Variants in ANKS1B observed in about 807,000 individuals in gnomAD.
ANKS1B encodes the protein ankyrin repeat and sterile alpha motif domain containing 1B, also known as ankyrin repeat and sterile alpha motif domain-containing protein 1B.
Under a neutral mutation model 148.3 loss-of-function variants are expected in ANKS1B, and 36 were observed. That is an observed-to-expected ratio of 0.24 (90% CI 0.19 to 0.32). The LOEUF is 0.32. Among genes scored for constraint, ANKS1B ranks in the 10% least tolerant of loss-of-function variants. ANKS1B has a pLI of 1.00. For missense variants in ANKS1B, 1,157 were observed against 1,542.6 expected (o/e 0.75, Z 4.19); for synonymous variants, 542 against 560.8 (o/e 0.97, Z 0.47).
chr12:99,296,965 C>A (rs886404019), intron 12 of ANKS1B, among the ~76,000 whole-genome samples: 5 of 152,086 alleles, frequency 3.3e-5, no homozygotes, highest in African/African-American at 1.2e-4. Flanking sequence ...TTGCGTTGGG[C>A]TAGATTATGG....
At chr12:99,669,093 A>G (rs1030926751) in intron 8 of ANKS1B, among the ~76,000 whole-genome samples, 2 of 152,128 alleles carry the variant, frequency 1.3e-5, no homozygotes, top group Non-Finnish European at 2.9e-5. Context: ...TACAAATTCT[A>G]TCAAATCTGT....
chr12:99,920,052 G>C (rs562985044), intron 1 of ANKS1B, among the ~76,000 whole-genome samples: 58 of 152,084 alleles, frequency 3.8e-4, no homozygotes, highest in Non-Finnish European at 7.1e-4. Context: ...CTGATGTAGA[G>C]TCCTCATTCT....
At chr12:99,187,312 C>G (rs2079999695) in intron 14 of ANKS1B, among the ~76,000 whole-genome samples, 1 of 152,036 alleles carries the variant, frequency 6.6e-6, no homozygotes. Flanking sequence ...GACAGGCCAA[C>G]ATTCAAATTC....
chr12:98,900,546 T>C (rs1470515620), intron 17 of ANKS1B, among the ~76,000 whole-genome samples: 1 of 152,162 alleles, frequency 6.6e-6, no homozygotes, highest in Non-Finnish European at 1.5e-5. Context: ...GTCTCAGATA[T>C]AAATAGGATT....
At chr12:99,614,964 A>C (rs773452508) in intron 9 of ANKS1B, among the ~76,000 whole-genome samples, 6 of 150,882 alleles carry the variant, frequency 4.0e-5, no homozygotes, top group Non-Finnish European at 7.4e-5. Flanking sequence ...AATCTCAAGG[A>C]TCTCCAATGA....
chr12:98,805,430 T>C (rs1170401879), intron 20 of ANKS1B, among the ~76,000 whole-genome samples: 2 of 152,140 alleles, frequency 1.3e-5, no homozygotes, highest in Non-Finnish European at 2.9e-5. Flanking sequence ...TACTTTGACA[T>C]TAGAATTTTA....
At chr12:99,471,494 ATTAC>A (rs1236084174) in intron 10 of ANKS1B, among the ~76,000 whole-genome samples, 1 of 152,040 alleles carries the variant, frequency 6.6e-6, no homozygotes, top group African/African-American at 2.4e-5. Flanking sequence ...TCCTTTTGTA[ATTAC>A]TTATGCTCAA....
At position 99,784,355 on chromosome 12, in the gene ANKS1B, G is replaced by A. The variant is rs543387202; in HGVS notation, c.670-2258C>T. ...CCCAGCTAATTTTTTTGTATTTTTAGTAGAGATGGGGTTTCATCATGTTAG... is the reference window on the plus strand; with the variant it reads ...CCCAGCTAATTTTTTTGTATTTTTAATAGAGATGGGGTTTCATCATGTTAG... On this transcript the variant is annotated intron_variant, in intron 4 of 26. Transcript: ENST00000683438. Among the ~76,000 whole-genome samples the A allele has an allele frequency of 2.6e-3, 390 of 152,022 alleles. 2 individuals carry two copies. The highest frequency in any genetic ancestry group is 0.017 in the Middle Eastern group (5 of 294).
At chr12:99,925,030 T>C (rs556254008) in intron 1 of ANKS1B, among the ~76,000 whole-genome samples, 3 of 152,168 alleles carry the variant, frequency 2.0e-5, no homozygotes, top group Non-Finnish European at 4.4e-5. Context: ...TTCATAGTTG[T>C]ATCCCCAGCA....
At chr12:99,266,601 A>C (rs2076469791) in intron 12 of ANKS1B, among the ~76,000 whole-genome samples, 1 of 152,178 alleles carries the variant, frequency 6.6e-6, no homozygotes, top group Non-Finnish European at 1.5e-5. Context: ...GCATGGGCAG[A>C]GTAAAGAGTA....
intron 12 of ANKS1B, among the ~76,000 whole-genome samples, chr12:99,294,991 G>A (rs766790139): frequency 3.9e-5 from 6 of 152,202 alleles, no homozygotes; most frequent in Non-Finnish European, 5.9e-5. Context: ...ATAAATGCTT[G>A]AGGGGATAGA....
At chr12:99,446,334 C>T (rs1405928811) in intron 10 of ANKS1B, among the ~76,000 whole-genome samples, 1 of 152,000 alleles carries the variant, frequency 6.6e-6, no homozygotes, top group Non-Finnish European at 1.5e-5. Flanking sequence ...TATAAACATA[C>T]TTAATTCTGT....
rs746250087 is a variant in ANKS1B at position 99,782,101 on chromosome 12, G to GA, written c.670-5dup. ...GAAGTGCACTCCCCTTTTCTGTCTG[G>GA]AAAAAAAAAAGTAAGAAAAAAGAAA... On this transcript the variant is annotated splice_region_variant and splice_polypyrimidine_tract_variant and intron_variant, in intron 4 of 26. Coordinates refer to ENST00000683438, the MANE Select transcript of ANKS1B (RefSeq NM_001352186.2). The GA allele has an allele frequency of 6.0e-3, 7,970 of 1,322,794 alleles. 1 individual carries two copies. Among genetic ancestry groups the GA allele is most frequent in the Admixed American group, 7.0e-3 (321 of 45,948 alleles). 81.9% of individuals were successfully genotyped at this position (1,322,794 alleles called of 1,614,324 possible).
At chr12:99,887,642 T>C (rs1350127513) in intron 1 of ANKS1B, among the ~76,000 whole-genome samples, 1 of 152,190 alleles carries the variant, frequency 6.6e-6, no homozygotes, top group Non-Finnish European at 1.5e-5. Context: ...AAGATGACTT[T>C]TCCCACATTT....
chr12:99,668,441 TA>T (rs1287293369), intron 8 of ANKS1B, among the ~76,000 whole-genome samples: 1 of 152,098 alleles, frequency 6.6e-6, no homozygotes, highest in African/African-American at 2.4e-5. Context: ...TGTGGAAGCT[TA>T]GGTCTTTCAT....
At chr12:99,559,408 C>T (rs1597075759) in intron 9 of ANKS1B, among the ~76,000 whole-genome samples, 1 of 152,202 alleles carries the variant, frequency 6.6e-6, no homozygotes, top group East Asian at 1.9e-4. Flanking sequence ...CTCCCCACAT[C>T]TCTCAATCAG....
intron 9 of ANKS1B, among the ~76,000 whole-genome samples, chr12:99,625,945 T>G (rs942379904): frequency 6.6e-6 from 1 of 152,102 alleles, no homozygotes; most frequent in African/African-American, 2.4e-5. Context: ...GGGCACTTGG[T>G]TCTATGCTTT....
chr12:98,781,496 T>C (rs1187481405), intron 23 of ANKS1B: 2 of 512,300 alleles, frequency 3.9e-6, no homozygotes, highest in Non-Finnish European at 7.5e-6. Context: ...GTACTTCTTT[T>C]CCCTGACACT....
chr12:98,791,340 A>G (rs2098848109), intron 22 of ANKS1B, among the ~76,000 whole-genome samples: 1 of 151,968 alleles, frequency 6.6e-6, no homozygotes, highest in Admixed American at 6.6e-5. Context: ...CAAAAAAAAA[A>G]AAAAAGAAAA....
Sources: gnomAD v4.1 joint callset for allele counts (sites outside exome capture counted in the v4.1 genomes callset) on GRCh38, gnomAD v4.1.1 for gene constraint, MANE v1.5 for transcripts, NCBI Gene and HGNC (gene_info 2026-07-23, HGNC 2026-07-21) for gene names.